The following STPG2 variants were observed in gnomAD, a reference collection of about 807,000 sequenced individuals.
The protein encoded by STPG2 is sperm tail PG-rich repeat containing 2.
Under a neutral mutation model 54.2 loss-of-function variants are expected in STPG2, and 56 were observed. That is an observed-to-expected ratio of 1.03 (90% CI 0.83 to 1.29). STPG2 has a LOEUF of 1.29. Among genes scored for constraint, STPG2 ranks in the 50% most tolerant of loss-of-function variants. The pLI is 0.00. For missense variants in STPG2, 596 were observed against 544.9 expected (o/e 1.09, Z -0.93); for synonymous variants, 200 against 181.8 (o/e 1.10, Z -0.81).
intron 9 of STPG2, among the ~76,000 whole-genome samples, chr4:97,798,598 T>G (rs1321982650): frequency 6.7e-6 from 1 of 148,464 alleles, no homozygotes; most frequent in Non-Finnish European, 1.5e-5. Context: ...GTGCTTTACT[T>G]CCAACTCTGT....
chr4:97,540,505 T>C (rs1731668994), intron 4 of STPG2, among the ~76,000 whole-genome samples: 1 of 151,948 alleles, frequency 6.6e-6, no homozygotes, highest in Non-Finnish European at 1.5e-5. Context: ...CCAAAAAAAG[T>C]CCAGGAGCAG....
intron 9 of STPG2, among the ~76,000 whole-genome samples, chr4:97,788,379 T>C (rs145677081): frequency 7.8e-4 from 118 of 152,240 alleles, no homozygotes; most frequent in African/African-American, 2.7e-3. Context: ...TCTAGCTCCA[T>C]TCATGTTGTT....
chr4:98,120,089 G>A (rs1739635092), intron 3 of STPG2, among the ~76,000 whole-genome samples: 1 of 150,576 alleles, frequency 6.6e-6, no homozygotes, highest in Non-Finnish European at 1.5e-5. Context: ...TTTTGTTTTT[G>A]TTTTTGTTTG....
At chr4:97,689,190 T>C (rs965651048) in intron 10 of STPG2, among the ~76,000 whole-genome samples, 2 of 152,178 alleles carry the variant, frequency 1.3e-5, no homozygotes, top group Admixed American at 6.5e-5. Context: ...AAAGAAATGA[T>C]GTAAAACTTT....
At chr4:97,753,870 G>A (rs1165233139) in intron 9 of STPG2, among the ~76,000 whole-genome samples, 1 of 151,726 alleles carries the variant, frequency 6.6e-6, no homozygotes, top group African/African-American at 2.4e-5. Context: ...TTTTGTTGTT[G>A]TTGTTGTTTT....
chr4:97,899,625 C>T (rs549614424), intron 8 of STPG2, among the ~76,000 whole-genome samples: 1 of 151,860 alleles, frequency 6.6e-6, no homozygotes, highest in Non-Finnish European at 1.5e-5. Flanking sequence ...AAAACAGGCA[C>T]ATAAACCAAC....
rs572737335 is a variant in STPG2, at chr4:97,560,980, C to T, written c.1321-1863G>A. Reference sequence around the variant, plus strand: ...GGTATATACCCAGTAATGGGATGGCCGGGTCAAATGGTATTTCTAGTTCTA... The same window carrying T: ...GGTATATACCCAGTAATGGGATGGCTGGGTCAAATGGTATTTCTAGTTCTA... On this transcript the variant is annotated intron_variant, in intron 10 of 10. Transcript: ENST00000295268. 4.3e-3 allele frequency among the ~76,000 whole-genome samples: 658 copies of T among 152,120 alleles called. 3 individuals are homozygous for T. Among genetic ancestry groups the T allele is most frequent in the South Asian group, 0.021 (102 of 4,816 alleles).
rs566545320 is a variant in STPG2 at position 97,906,329 on chromosome 4, C to A, written c.1044+37568G>T. Among the ~76,000 whole-genome samples the A allele has an allele frequency of 9.8e-4, 149 of 152,280 alleles. 1 individual carries two copies. The highest frequency in any genetic ancestry group is 1.7e-3 in the Non-Finnish European group (116 of 68,030). On this transcript the variant is annotated intron_variant, in intron 8 of 10. Coordinates refer to ENST00000295268, the MANE Select transcript of STPG2 (RefSeq NM_174952.3). ...AGACTAAACCAGGAAGAAGTTGAAT[C>A]TCTGAATACACCAATAAAAGGATCT...
intron 9 of STPG2, among the ~76,000 whole-genome samples, chr4:97,772,986 C>A (rs1449754908): frequency 6.6e-6 from 1 of 152,024 alleles, no homozygotes; most frequent in Non-Finnish European, 1.5e-5. Context: ...CAGGTGTAGG[C>A]AACAATTTTA....
At chr4:97,559,339 T>A (rs1732163800) in intron 10 of STPG2, among the ~76,000 whole-genome samples, 1 of 152,146 alleles carries the variant, frequency 6.6e-6, no homozygotes, top group Non-Finnish European at 1.5e-5. Flanking sequence ...TATATCTAAG[T>A]CTAGTACTTT....
intron 10 of STPG2, among the ~76,000 whole-genome samples, chr4:97,641,313 A>G (rs1408058081): frequency 6.6e-6 from 1 of 151,596 alleles, no homozygotes; most frequent in Admixed American, 6.6e-5. Context: ...AATAGGCCAT[A>G]TTTATATTAT....
At chr4:98,038,573 C>A (rs4292341) in intron 5 of STPG2, among the ~76,000 whole-genome samples, 1 of 151,512 alleles carries the variant, frequency 6.6e-6, no homozygotes, top group Non-Finnish European at 1.5e-5. Flanking sequence ...AAGTGTTCCA[C>A]ATAAATGTCA....
chr4:97,781,310 C>A (rs557647340), intron 9 of STPG2, among the ~76,000 whole-genome samples: 1 of 152,254 alleles, frequency 6.6e-6, no homozygotes, highest in Non-Finnish European at 1.5e-5. Context: ...CACCTCTACG[C>A]AAATAAACTA....
rs543911579 is a variant in STPG2, at chr4:97,907,489, C to A, written c.1044+36408G>T. On this transcript the variant is annotated intron_variant, in intron 8 of 10. Coordinates refer to ENST00000295268, the MANE Select transcript of STPG2 (RefSeq NM_174952.3). ...TGCCATCCCCATCAAGCTACCAATG[C>A]CTTTCTTCACAGAATTGGAAAAAAC... 4.5e-3 allele frequency among the ~76,000 whole-genome samples: 678 copies of A among 152,002 alleles called. 5 individuals are homozygous for A. The highest frequency in any genetic ancestry group is 0.015 in the African/African-American group (635 of 41,432).
At chr4:97,692,207 A>G (rs1723389397) in intron 10 of STPG2, among the ~76,000 whole-genome samples, 1 of 151,958 alleles carries the variant, frequency 6.6e-6, no homozygotes, top group African/African-American at 2.4e-5. Context: ...CCAGAAAAAG[A>G]ATTCAGAAAG....
intron 10 of STPG2, among the ~76,000 whole-genome samples, chr4:97,656,634 GT>G (rs1312976462): frequency 8.3e-4 from 126 of 151,302 alleles, no homozygotes; most frequent in African/African-American, 2.9e-3. Context: ...AACAGCTCAT[GT>G]TACCCTTAAA....
intron 10 of STPG2, among the ~76,000 whole-genome samples, chr4:97,685,345 T>C (rs557191612): frequency 6.6e-6 from 1 of 152,232 alleles, no homozygotes; most frequent in South Asian, 2.1e-4. Context: ...GGATAAACTA[T>C]GGAACATCCA....
At chr4:97,680,107 C>A (rs936612983) in intron 10 of STPG2, among the ~76,000 whole-genome samples, 3 of 151,532 alleles carry the variant, frequency 2.0e-5, no homozygotes, top group Admixed American at 6.6e-5. Flanking sequence ...CTTGGCAATG[C>A]AGGCTCTTTT....
intron 8 of STPG2, among the ~76,000 whole-genome samples, chr4:97,859,245 A>T (rs552647331): frequency 6.6e-6 from 1 of 151,892 alleles, no homozygotes; most frequent in Admixed American, 6.6e-5. Context: ...ATGGGATTAC[A>T]TGGGGTTGTT....
Sources: allele counts gnomAD v4.1 joint callset (sites outside exome capture counted in the v4.1 genomes callset), GRCh38; gene constraint gnomAD v4.1.1; transcripts MANE v1.5; gene names NCBI Gene and HGNC (gene_info 2026-07-23, HGNC 2026-07-21).